The following SLC24A5 variants were observed in gnomAD, a reference collection of about 807,000 sequenced individuals.
The protein encoded by SLC24A5 is solute carrier family 24 member 5, also known as sodium/potassium/calcium exchanger 5.
Under a neutral mutation model 51.6 loss-of-function variants are expected in SLC24A5, and 46 were observed. That is an observed-to-expected ratio of 0.89 (90% CI 0.70 to 1.14). The LOEUF is 1.14. SLC24A5 is among the 50% of genes most tolerant of loss of function. The pLI is 0.00. For missense variants in SLC24A5, 581 were observed against 604.1 expected, an observed-to-expected ratio of 0.96 and a Z score of 0.40; for synonymous variants, 230 against 214.9, an observed-to-expected ratio of 1.07 and a Z score of -0.62.
intron 7 of SLC24A5, chr15:48,140,004 A>T (rs1479836549): frequency 6.6e-6 from 1 of 152,096 alleles, no homozygotes. Flanking sequence ...CCCCTCACAG[A>T]CACAAAAATT....
In SLC24A5 at chr15:48,121,939, C is replaced by G; in HGVS notation, c.204C>G (p.Gly68=). ...CGAGACAGGAGCGCAGAGATGGAGG[C>G]ATCATAATCTATTTCCTAATTATCG... The part of the protein sequence containing the change: ...FFTRQERRDG[G]IIIYFLIIVY... The change falls in exon 2 of 9, where the codon GGC becomes GGG. Residue 68 remains glycine (G), a synonymous_variant. Transcript: ENST00000341459. 6.2e-7 allele frequency: 1 copy of G among 1,614,088 alleles called. No individual in the cohort carries two copies. Among genetic ancestry groups the G allele is most frequent in the Non-Finnish European group, 8.5e-7 (1 of 1,179,946 alleles).
intron 2 of SLC24A5, chr15:48,124,756 G>T (rs1344759020): frequency 6.6e-6 from 1 of 152,128 alleles, no homozygotes; most frequent in African/African-American, 2.4e-5. Context: ...AAGATCATCA[G>T]CAAACATGCA....
chr15:48,130,046 A>C (rs1461002687), intron 2 of SLC24A5, among the ~76,000 whole-genome samples: 2 of 152,178 alleles, frequency 1.3e-5, no homozygotes, highest in African/African-American at 4.8e-5. Flanking sequence ...AACACATTTA[A>C]GAAAAAGTCT....
At chr15:48,125,523 T>C (rs1394946060) in intron 2 of SLC24A5, among the ~76,000 whole-genome samples, 2 of 152,106 alleles carry the variant, frequency 1.3e-5, no homozygotes, top group African/African-American at 4.8e-5. Context: ...TGCTAGAATA[T>C]AGTTGTTTCA....
intron 2 of SLC24A5, chr15:48,124,588 A>G (rs1476850772): frequency 6.6e-6 from 1 of 152,206 alleles, no homozygotes; most frequent in Non-Finnish European, 1.5e-5. Flanking sequence ...TATTATAAAA[A>G]TTATCTTAGG....
intron 6 of SLC24A5, chr15:48,137,363 G>T (rs958494963): frequency 6.1e-6 from 1 of 162,942 alleles, no homozygotes; most frequent in African/African-American, 2.4e-5. Context: ...CATAAATGAT[G>T]CAGAGATAAA....
Position 48,121,721 on chromosome 15 carries a change from G to A in SLC24A5, c.122-136G>A, listed in dbSNP as rs139810668. Reference sequence around the variant, plus strand: ...CTACAACTGTGTTATATTCAGAAGCGCTTTATACATTTTCAGTGGGTCCTT... The same window carrying A: ...CTACAACTGTGTTATATTCAGAAGCACTTTATACATTTTCAGTGGGTCCTT... On this transcript the variant is annotated intron_variant, in intron 1 of 8. Transcript: ENST00000341459. 1,016 of 874,630 alleles carry A rather than the reference G, an allele frequency of 1.2e-3. 9 individuals are homozygous for A. The East Asian group carries it at 0.021, about 18-fold the overall frequency. 54.2% of individuals were successfully genotyped at this position (874,630 alleles called of 1,614,324 possible). A position where few individuals can be genotyped will look rare whatever the true frequency, so the allele number is the denominator to read the frequency against.
rs996549767 is a variant in SLC24A5, at chr15:48,142,414, T to G, written c.*63T>G. 2 of 1,192,886 alleles carry G rather than the reference T, an allele frequency of 1.7e-6. No homozygotes were observed. The highest frequency in any genetic ancestry group is 3.1e-5 in the African/African-American group (2 of 65,412). The allele number at this position is 1,192,886 out of a possible 1,614,324, so 73.9% of individuals were successfully genotyped here. A position where few individuals can be genotyped will look rare whatever the true frequency, so the allele number is the denominator to read the frequency against. Reference sequence around the variant, plus strand: ...GGGAGGGGCAGAGAGAAAAATCCATTTCTTCATTTAAATCAAATTTTAAAA... The same window carrying G: ...GGGAGGGGCAGAGAGAAAAATCCATGTCTTCATTTAAATCAAATTTTAAAA... On this transcript the variant is annotated 3_prime_UTR_variant, in exon 9 of 9. Transcript: ENST00000341459.
chr15:48,122,326 C>T lies in SLC24A5; in HGVS notation c.301+290C>T. On this transcript the variant is annotated intron_variant, in intron 2 of 8. Coordinates refer to ENST00000341459, the MANE Select transcript of SLC24A5 (RefSeq NM_205850.3). ...TGGATGTTTGTTATAAGAACTGTTC[C>T]AAGATTTCACTTGTATGTACTTTGT... 3 of 559,404 alleles carry T rather than the reference C, an allele frequency of 5.4e-6. No individual in the cohort carries two copies. In the Admixed American group the frequency reaches 9.5e-5, roughly 18 times the overall value. The allele number at this position is 559,404 out of a possible 1,614,324, so 34.7% of individuals were successfully genotyped here.
Position 48,138,986 on chromosome 15 carries a change from A to G in SLC24A5, c.889A>G (p.Asn297Asp). The G allele has an allele frequency of 1.2e-6, 2 of 1,612,416 alleles. No homozygotes were observed. Among genetic ancestry groups the G allele is most frequent in the Non-Finnish European group, 1.7e-6 (2 of 1,179,020 alleles). ...QVSEDPPSVF[N>D]MPEADLKRIF... is the part of the protein sequence containing the mutation. ...CACAACAGATCCACCAAGTGTTTTC[A>G]ACATGCCTGAAGCAGACTTAAAAAG... is the stretch of plus-strand genomic sequence containing the variant. The change falls in exon 7 of 9, where the codon AAC (asparagine) becomes GAC (aspartate). Residue 297 changes from asparagine to aspartate, a missense_variant. Transcript: ENST00000341459.
In SLC24A5 at chr15:48,136,968, T is replaced by C. The variant is rs779623303; in HGVS notation, c.871+5T>C. The stretch of plus-strand genomic sequence containing the variant: ...GCCTTAGTCAGGTTTCTGAAGGTAA[T>C]CACTAAATCTTGCCCATTATTAAGT... On this transcript the variant is annotated splice_donor_5th_base_variant and intron_variant, in intron 6 of 8. Transcript: ENST00000341459. 1 of 1,601,502 alleles carries C rather than the reference T, an allele frequency of 6.2e-7. No individual in the cohort carries two copies. Among genetic ancestry groups the C allele is most frequent in the Non-Finnish European group, 8.5e-7 (1 of 1,171,710 alleles).
chr15:48,126,329 C>T (rs1294392465), intron 2 of SLC24A5, among the ~76,000 whole-genome samples: 2 of 152,214 alleles, frequency 1.3e-5, no homozygotes, highest in South Asian at 2.1e-4. Context: ...GCTATGCCCC[C>T]TTCCTGTAAT....
chr15:48,142,242 G>C lies in SLC24A5; in HGVS notation c.1394G>C (p.Arg465Thr). Residue 465 changes from arginine (R) to threonine (T), a missense_variant, in exon 9 of 9, where the codon AGA (arginine) becomes ACA (threonine). Transcript: ENST00000341459. ...CACTTCAATGGCTGGAAACTAGACAGAAAGTTGGGAATAGTCTGCCTATTA... is the reference window on the plus strand; with the variant it reads ...CACTTCAATGGCTGGAAACTAGACACAAAGTTGGGAATAGTCTGCCTATTA... ...AVHFNGWKLD[R>T]KLGIVCLLSY... 1 of 1,613,664 alleles carries C rather than the reference G, an allele frequency of 6.2e-7. No individual in the cohort carries two copies. Among genetic ancestry groups the C allele is most frequent in the Middle Eastern group, 1.7e-4 (1 of 6,056 alleles).
chr15:48,127,817 C>G (rs999085163), intron 2 of SLC24A5, among the ~76,000 whole-genome samples: 25 of 152,110 alleles, frequency 1.6e-4, no homozygotes, highest in Non-Finnish European at 2.9e-4. Context: ...AGCAAGACTC[C>G]ATCTCAAAAT....
intron 4 of SLC24A5, 60 bp downstream of exon 4, chr15:48,134,598 T>C (rs2038850825): frequency 1.5e-6 from 2 of 1,367,082 alleles, no homozygotes; most frequent in Admixed American, 1.7e-5. Flanking sequence ...AGATAACTGT[T>C]CGTCGTCTGG....
intron 2 of SLC24A5, among the ~76,000 whole-genome samples, chr15:48,129,388 A>T (rs2038765945): frequency 6.6e-6 from 1 of 152,126 alleles, no homozygotes; most frequent in Non-Finnish European, 1.5e-5. Context: ...CACAAAAAAG[A>T]CATCAGTTTG....
intron 6 of SLC24A5, chr15:48,138,563 GGC>G: frequency 6.2e-6 from 1 of 160,918 alleles, no homozygotes; most frequent in Non-Finnish European, 1.4e-5. Context: ...ACATAGGGCA[GGC>G]AGAGGCATCA....
At chr15:48,139,222 G>A in intron 7 of SLC24A5, 47 bp downstream of exon 7, 1 of 1,500,340 alleles carries the variant, frequency 6.7e-7, no homozygotes, top group Non-Finnish European at 9.2e-7. Context: ...ATTCATATAA[G>A]AACAAATTGC....
intron 6 of SLC24A5, 70 bp downstream of exon 6, chr15:48,137,033 C>T: frequency 6.8e-7 from 1 of 1,469,692 alleles, no homozygotes; most frequent in Non-Finnish European, 9.1e-7. Flanking sequence ...CATTTCAATT[C>T]AGCAAGTATT....
Sources: gnomAD v4.1 joint callset for allele counts (sites outside exome capture counted in the v4.1 genomes callset) on GRCh38, gnomAD v4.1.1 for gene constraint, MANE v1.5 for transcripts, NCBI Gene and HGNC (gene_info 2026-07-23, HGNC 2026-07-21) for gene names.